The following BTBD3 variants were observed in gnomAD, a reference collection of about 807,000 sequenced individuals.
BTBD3 encodes the protein BTB/POZ domain-containing protein 3.
In BTBD3, 14 loss-of-function variants were observed where a neutral mutation model predicts 41.6. That is an observed-to-expected ratio of 0.34 (90% CI 0.22 to 0.53). The LOEUF (loss-of-function observed/expected upper bound fraction) is 0.53, where lower values mean the gene tolerates loss of function less well. Among genes scored for constraint, BTBD3 ranks in the 20% least tolerant of loss-of-function variants. The pLI is 0.95. For missense variants in BTBD3, 426 were observed against 654.7 expected (o/e 0.65, Z 3.81); for synonymous variants, 249 against 233.7 (o/e 1.07, Z -0.60).
chr20:11,914,606 C>A (rs938982402), upstream of BTBD3, among the ~76,000 whole-genome samples: 1 of 150,954 alleles, frequency 6.6e-6, no homozygotes, highest in African/African-American at 2.4e-5. Context: ...CACATGTACA[C>A]TAAAACTTAA....
At position 11,923,477 on chromosome 20, in the gene BTBD3, G is replaced by A; in HGVS notation, c.1380G>A (p.Gln460=). The change falls in exon 4 of 4, where the codon CAG becomes CAA. Residue 460 remains glutamine, a synonymous_variant. Coordinates refer to ENST00000378226, the MANE Select transcript of BTBD3 (RefSeq NM_014962.4). The surrounding 1 kb of genome is among the most constrained non-coding windows in gnomAD (Gnocchi z 5.3). ...TFPVWFEYPV[Q]IEPDTFYTAS... ...CCGTATGGTTTGAATACCCAGTGCA[G>A]ATCGAGCCAGACACCTTCTACACAG... 6.2e-7 allele frequency: 1 copy of A among 1,614,162 alleles called. No individual in the cohort carries two copies. The highest frequency in any genetic ancestry group is 8.5e-7 in the Non-Finnish European group (1 of 1,180,022).
Position 11,918,270 on chromosome 20 carries a change from G to A in BTBD3, c.-6G>A, listed in dbSNP as rs755384700. The A allele has an allele frequency of 5.7e-6, 9 of 1,566,652 alleles. No homozygotes were observed. Among genetic ancestry groups the A allele is most frequent in the Non-Finnish European group, 7.7e-6 (9 of 1,162,618 alleles). On this transcript the variant is annotated 5_prime_UTR_variant, in exon 1 of 4. Transcript: ENST00000378226. The stretch of plus-strand genomic sequence containing the variant: ...ATCTAACTCTAAAGAGAGACACACT[G>A]TACTCATGGTAGATGACAAGGAAAA...
intron 1 of BTBD3, among the ~76,000 whole-genome samples, chr20:11,911,388 T>A (rs2056888672): frequency 6.6e-6 from 1 of 152,170 alleles, no homozygotes; most frequent in Non-Finnish European, 1.5e-5. Context: ...ATTTTTTAAA[T>A]CCTAGAAACC....
At chr20:11,904,176 T>G (rs949701065) in intron 1 of BTBD3, among the ~76,000 whole-genome samples, 2 of 152,162 alleles carry the variant, frequency 1.3e-5, no homozygotes, top group Non-Finnish European at 2.9e-5. Context: ...GAAAAGAGGT[T>G]TAATTGGCTC....
intron 1 of BTBD3, among the ~76,000 whole-genome samples, chr20:11,912,743 C>A (rs1311383122): frequency 2.0e-5 from 3 of 152,204 alleles, no homozygotes; most frequent in Admixed American, 1.3e-4. Flanking sequence ...TCACAATAAA[C>A]CTGAGGGAGA....
chr20:11,908,321 G>GTTTTTTTTTTTTTTTTTT (rs3834758), intron 1 of BTBD3, among the ~76,000 whole-genome samples: 4 of 77,074 alleles, frequency 5.2e-5, no homozygotes, highest in Non-Finnish European at 9.9e-5. Context: ...CTTCTCTGTG[G>GTTTTTTTTTTTTTTTTTT]TTTTTTTTTT....
intron 1 of BTBD3, among the ~76,000 whole-genome samples, chr20:11,895,178 G>A (rs1219301894): frequency 2.0e-5 from 3 of 152,024 alleles, no homozygotes; most frequent in Admixed American, 1.3e-4. Context: ...TTCAGTTTTA[G>A]GTCTTGCTTC....
At chr20:11,917,273 C>T (rs1209656417), upstream of BTBD3, among the ~76,000 whole-genome samples, 1 of 151,976 alleles carries the variant, frequency 6.6e-6, no homozygotes, top group Non-Finnish European at 1.5e-5. Flanking sequence ...CTTAGGTGTA[C>T]GGGTATAATC....
At chr20:11,904,799 G>T (rs1490359804) in intron 1 of BTBD3, among the ~76,000 whole-genome samples, 3 of 152,168 alleles carry the variant, frequency 2.0e-5, no homozygotes, top group Non-Finnish European at 2.9e-5. Flanking sequence ...CCTCACCAAA[G>T]CTTCATAAGT....
chr20:11,894,453 C>G (rs1273896994), intron 1 of BTBD3, among the ~76,000 whole-genome samples: 3 of 152,156 alleles, frequency 2.0e-5, no homozygotes, highest in Admixed American at 6.5e-5. Flanking sequence ...CCTGATTTTT[C>G]TATAAAAATA....
intron 2 of BTBD3, 23 bp downstream of exon 2, chr20:11,919,199 G>A (rs778819386): frequency 6.2e-7 from 1 of 1,602,404 alleles, no homozygotes; most frequent in South Asian, 1.1e-5. Flanking sequence ...TGCATGACCG[G>A]TTTAGTCCTG....
rs1474469602 is a variant in BTBD3 at position 11,918,311 on chromosome 20, C to T, written c.36C>T (p.Leu12=). ...VDDKEKNMKC[L]TFFLMLPETV... Reference sequence around the variant, plus strand: ...ACAAGGAAAAGAACATGAAATGTCTCACCTTCTTCTTGATGCTTCCAGAGA... The same window carrying T: ...ACAAGGAAAAGAACATGAAATGTCTTACCTTCTTCTTGATGCTTCCAGAGA... Residue 12 remains leucine (L), a synonymous_variant, in exon 1 of 4, where the codon CTC becomes CTT. Coordinates refer to ENST00000378226, the MANE Select transcript of BTBD3 (RefSeq NM_014962.4). 9 of 1,605,720 alleles carry T rather than the reference C, an allele frequency of 5.6e-6. No individual in the cohort carries two copies. Among genetic ancestry groups the T allele is most frequent in the African/African-American group, 1.3e-5 (1 of 74,352 alleles).
chr20:11,897,252 C>T (rs987718798), intron 1 of BTBD3, among the ~76,000 whole-genome samples: 2 of 152,122 alleles, frequency 1.3e-5, no homozygotes, highest in East Asian at 1.9e-4. Context: ...ATTTCCACCT[C>T]AGACATCTCC....
chr20:11,901,394 T>G (rs1178618747), intron 1 of BTBD3, among the ~76,000 whole-genome samples: 2 of 152,180 alleles, frequency 1.3e-5, no homozygotes, highest in East Asian at 1.9e-4. Flanking sequence ...GAGCTGTTAC[T>G]GAAAGTGGTC....
chr20:11,918,816 C>T (rs2056940688), intron 1 of BTBD3: 4 of 594,146 alleles, frequency 6.7e-6, no homozygotes, highest in Non-Finnish European at 1.1e-5. Flanking sequence ...ATTCAAGTGA[C>T]AGGGTTGTCT....
At position 11,898,246 on chromosome 20, in the gene BTBD3, C is replaced by T. The variant is rs556036253; in HGVS notation, c.-126+7292C>T. ...CCTCTTCTCCCGCTTGTCTCCCACT[C>T]GGCACTTTCCATTCCAGCCTTCCTT... On this transcript the variant is annotated intron_variant, in intron 1 of 4. Coordinates refer to the BTBD3 transcript ENST00000254977. Among the ~76,000 whole-genome samples the T allele has an allele frequency of 1.9e-4, 29 of 152,254 alleles. No individual in the cohort carries two copies. In the South Asian group the frequency reaches 5.4e-3, roughly 28 times the overall value.
chr20:11,906,393 A>G (rs1003657340), intron 1 of BTBD3, among the ~76,000 whole-genome samples: 1 of 149,628 alleles, frequency 6.7e-6, no homozygotes, highest in Non-Finnish European at 1.5e-5. Context: ...CCTCTCAAGT[A>G]GCTGGGATTA....
chr20:11,908,626 TA>T (rs1010488980), intron 1 of BTBD3, among the ~76,000 whole-genome samples: 4 of 151,950 alleles, frequency 2.6e-5, no homozygotes, highest in Non-Finnish European at 4.4e-5. Flanking sequence ...AGCTCTTAAT[TA>T]AAAAAATAAT....
At position 11,923,001 on chromosome 20, in the gene BTBD3, C is replaced by T; in HGVS notation, c.904C>T (p.Leu302=). 1 of 1,614,210 alleles carries T rather than the reference C, an allele frequency of 6.2e-7. No homozygotes were observed. ...WAEVECQRQD[L]ALSIENKRKV... is the part of the protein sequence containing the mutation. ...TGAAGTAGAATGCCAACGACAAGATCTGGCGTTGAGCATTGAAAATAAACG... is the reference window on the plus strand; with the variant it reads ...TGAAGTAGAATGCCAACGACAAGATTTGGCGTTGAGCATTGAAAATAAACG... Residue 302 remains leucine (L), a synonymous_variant, in exon 4 of 4, where the codon CTG becomes TTG. Coordinates refer to ENST00000378226, the MANE Select transcript of BTBD3 (RefSeq NM_014962.4). The surrounding 1 kb of genome is among the most constrained non-coding windows in gnomAD (Gnocchi z 5.3).
Sources: allele counts gnomAD v4.1 joint callset (sites outside exome capture counted in the v4.1 genomes callset), GRCh38; gene constraint gnomAD v4.1.1; non-coding constraint Gnocchi (gnomAD v3.1); transcripts MANE v1.5; gene names NCBI Gene and HGNC (gene_info 2026-07-23, HGNC 2026-07-21).